Variants in COL5A2 observed in about 807,000 individuals in gnomAD.
COL5A2 encodes collagen alpha-2(V) chain.
A neutral mutation model predicts 208.2 loss-of-function variants in COL5A2; 23 were observed. The ratio of observed to expected loss-of-function variants is 0.11; its 90% confidence interval spans 0.08 to 0.16. The LOEUF (loss-of-function observed/expected upper bound fraction) is 0.16, where lower values mean the gene tolerates loss of function less well. Ranked by LOEUF, COL5A2 falls within the 10% of genes least tolerant of loss-of-function variation. The pLI is 1.00. For synonymous variants in COL5A2, 625 were observed against 628.5 expected, an observed-to-expected ratio of 0.99 and a Z score of 0.08; for missense variants, 1,590 against 1,956.4, an observed-to-expected ratio of 0.81 and a Z score of 3.53.
the COL5A2 span, among the ~76,000 whole-genome samples, chr2:189,350,361 T>C: frequency 2.0e-5 from 3 of 152,044 alleles, no homozygotes; most frequent in African/African-American, 7.2e-5. Context: ...ACTAAAATAG[T>C]CAAAAATTTA....
At chr2:189,435,297 A>C in the COL5A2 span, among the ~76,000 whole-genome samples, 22 of 152,362 alleles carry the variant, frequency 1.4e-4, no homozygotes, top group East Asian at 3.9e-3. Flanking sequence ...CACCAAAAGC[A>C]ATGGCAACAA....
the COL5A2 span, among the ~76,000 whole-genome samples, chr2:189,422,645 A>C: frequency 6.6e-6 from 1 of 152,312 alleles, no homozygotes; most frequent in East Asian, 1.9e-4. Context: ...AACAAGTTTT[A>C]AATTCAGTAA....
chr2:189,321,894 G>A, the COL5A2 span, among the ~76,000 whole-genome samples: 31 of 152,128 alleles, frequency 2.0e-4, no homozygotes, highest in South Asian at 8.3e-4. Flanking sequence ...GCACCACATC[G>A]CACCTATTCC....
intron 1 of COL5A2, among the ~76,000 whole-genome samples, chr2:189,189,644 T>C (rs1430005613): frequency 6.6e-6 from 1 of 151,852 alleles, no homozygotes; most frequent in African/African-American, 2.4e-5. Flanking sequence ...AGTACAAGAC[T>C]CTGTCTCTTA....
At chr2:189,073,429 C>A (rs1163542875) in intron 17 of COL5A2, among the ~76,000 whole-genome samples, 2 of 152,106 alleles carry the variant, frequency 1.3e-5, no homozygotes. Context: ...TGGTTTCCTG[C>A]AACAGCTATC....
chr2:189,410,356 G>A, the COL5A2 span, among the ~76,000 whole-genome samples: 1 of 152,036 alleles, frequency 6.6e-6, no homozygotes, highest in Non-Finnish European at 1.5e-5. Flanking sequence ...GATTGCTCAA[G>A]GCCAGGAGTT....
At chr2:189,266,745 C>T in the COL5A2 span, among the ~76,000 whole-genome samples, 1 of 152,030 alleles carries the variant, frequency 6.6e-6, no homozygotes, top group East Asian at 1.9e-4. Flanking sequence ...CTGAATTATA[C>T]ACTTTAAAGA....
chr2:189,064,658 G>A lies in COL5A2; in HGVS notation c.1618-3C>T. On this transcript the variant is annotated splice_polypyrimidine_tract_variant and splice_region_variant and intron_variant, in intron 24 of 53. Transcript: ENST00000374866. ...GGACCCCGTTCTCCTTGAGCACCCT[G>A]TACCGAGGCAAAGCAGATGCATGAA... The A allele has an allele frequency of 6.2e-7, 1 of 1,602,750 alleles. No homozygotes were observed. Among genetic ancestry groups the A allele is most frequent in the South Asian group, 1.1e-5 (1 of 90,902 alleles).
the COL5A2 span, among the ~76,000 whole-genome samples, chr2:189,387,506 C>T: frequency 6.6e-6 from 1 of 152,092 alleles, no homozygotes; most frequent in Non-Finnish European, 1.5e-5. Context: ...GCCACGCATT[C>T]CTGGAATAAG....
At chr2:189,166,817 T>C (rs528159295) in intron 1 of COL5A2, among the ~76,000 whole-genome samples, 1 of 152,230 alleles carries the variant, frequency 6.6e-6, no homozygotes, top group East Asian at 1.9e-4. Context: ...CAAGCTTGTA[T>C]GACAAGAGCA....
intron 3 of COL5A2, among the ~76,000 whole-genome samples, chr2:189,103,168 G>A (rs1687080065): frequency 2.6e-5 from 4 of 151,978 alleles, no homozygotes; most frequent in African/African-American, 9.7e-5. Flanking sequence ...TATCTGTCAA[G>A]TTTGTTCAAG....
chr2:189,319,633 T>C, the COL5A2 span, among the ~76,000 whole-genome samples: 1 of 152,366 alleles, frequency 6.6e-6, no homozygotes, highest in Non-Finnish European at 1.5e-5. Flanking sequence ...CGCCCGCCAT[T>C]GCTGAGGCTT....
At chr2:189,256,967 T>A in the COL5A2 span, among the ~76,000 whole-genome samples, 2 of 152,212 alleles carry the variant, frequency 1.3e-5, no homozygotes, top group East Asian at 3.8e-4. Flanking sequence ...TATTCCCTTT[T>A]TGGATGCATC....
At chr2:189,251,026 C>A in the COL5A2 span, among the ~76,000 whole-genome samples, 13 of 152,112 alleles carry the variant, frequency 8.5e-5, no homozygotes, top group Non-Finnish European at 1.6e-4. Flanking sequence ...GTCTGGGCAT[C>A]AATCACATGC....
the COL5A2 span, among the ~76,000 whole-genome samples, chr2:189,356,986 G>A: frequency 3.9e-5 from 6 of 152,016 alleles, no homozygotes; most frequent in East Asian, 1.9e-4. Flanking sequence ...CTTCTTACAT[G>A]CCCCTCTGCT....
the COL5A2 span, among the ~76,000 whole-genome samples, chr2:189,242,932 G>A: frequency 6.6e-6 from 1 of 152,118 alleles, no homozygotes; most frequent in Non-Finnish European, 1.5e-5. Context: ...CATGGAGTCA[G>A]GGTACCAAAT....
At chr2:189,437,488 A>G in the COL5A2 span, among the ~76,000 whole-genome samples, 3 of 152,334 alleles carry the variant, frequency 2.0e-5, no homozygotes, top group South Asian at 6.2e-4. Context: ...ATTTCGCTTT[A>G]GCCACTGGGT....
At chr2:189,408,963 G>A in the COL5A2 span, among the ~76,000 whole-genome samples, 1 of 152,088 alleles carries the variant, frequency 6.6e-6, no homozygotes, top group Admixed American at 6.6e-5. Flanking sequence ...TATAATTTTT[G>A]TGACTATAGT....
At chr2:189,414,510 C>T in the COL5A2 span, among the ~76,000 whole-genome samples, 21 of 152,120 alleles carry the variant, frequency 1.4e-4, no homozygotes, top group Non-Finnish European at 2.8e-4. Context: ...AATCCTAGCA[C>T]TTTGGGAGGC....
Sources: allele counts gnomAD v4.1 joint callset (sites outside exome capture counted in the v4.1 genomes callset), GRCh38; gene constraint gnomAD v4.1.1; transcripts MANE v1.5; gene names NCBI Gene and HGNC (gene_info 2026-07-23, HGNC 2026-07-21).